Variants in AFF4 observed in about 807,000 individuals in gnomAD.
The protein encoded by AFF4 is ALF transcription elongation factor 4, also known as AF4/FMR2 family member 4.
AFF4 carries 13 observed loss-of-function variants against 124.8 expected under a neutral mutation model. That is an observed-to-expected ratio of 0.10 (90% CI 0.07 to 0.17). The LOEUF (loss-of-function observed/expected upper bound fraction) is 0.17. Ranked by LOEUF, AFF4 falls within the 10% of genes least tolerant of loss-of-function variation. The pLI, the probability that AFF4 is intolerant of heterozygous loss-of-function variation, is 1.00. For synonymous variants in AFF4, 477 were observed against 496.1 expected (o/e 0.96, Z 0.51); for missense variants, 1,092 against 1,403.8 (o/e 0.78, Z 3.55).
At chr5:132,932,688 T>C (rs76204610) in intron 3 of AFF4, among the ~76,000 whole-genome samples, 1,525 of 152,334 alleles carry the variant, frequency 0.01, 27 homozygotes, top group African/African-American at 0.035. Flanking sequence ...CCTACGAGCT[T>C]AGCATTCCAA....
chr5:132,913,452 G>A (rs75163204), intron 5 of AFF4, among the ~76,000 whole-genome samples: 1,679 of 151,796 alleles, frequency 0.011, 10 homozygotes, highest in Non-Finnish European at 0.017. Flanking sequence ...AGCAGAATAC[G>A]CTTCTTTTTG....
At chr5:132,950,928 A>C (rs1761829933) in intron 1 of AFF4, among the ~76,000 whole-genome samples, 1 of 152,178 alleles carries the variant, frequency 6.6e-6, no homozygotes, top group Admixed American at 6.5e-5. Context: ...TCTTTAAAAA[A>C]ATTTTAACAA....
chr5:132,953,949 T>G (rs1761896617), intron 1 of AFF4, among the ~76,000 whole-genome samples: 1 of 152,210 alleles, frequency 6.6e-6, no homozygotes, highest in Admixed American at 6.5e-5. Flanking sequence ...AATTTTTAAA[T>G]AAGCTTTCCG....
At chr5:132,923,392 G>C (rs77790340) in intron 5 of AFF4, among the ~76,000 whole-genome samples, 31,068 of 151,816 alleles carry the variant, frequency 0.2, 3,476 homozygotes, top group African/African-American at 0.28. Context: ...GAGAGAGAGA[G>C]AGAGAGAAAG....
intron 1 of AFF4, among the ~76,000 whole-genome samples, chr5:132,950,398 G>A (rs1236863305): frequency 1.3e-5 from 2 of 152,150 alleles, no homozygotes; most frequent in African/African-American, 2.4e-5. Flanking sequence ...TCGCTTGAAC[G>A]GGAGACAGAG....
chr5:132,908,591 AT>A (rs1229985716), intron 5 of AFF4, among the ~76,000 whole-genome samples: 2 of 151,304 alleles, frequency 1.3e-5, no homozygotes, highest in African/African-American at 2.4e-5. Context: ...CTGATTAGAA[AT>A]TTTTTTTCAG....
intron 1 of AFF4, among the ~76,000 whole-genome samples, chr5:132,960,829 C>A (rs1280411278): frequency 2.0e-5 from 3 of 152,100 alleles, no homozygotes; most frequent in African/African-American, 7.2e-5. Context: ...TGTAACAGAT[C>A]TGTAAGAAAA....
At chr5:132,926,919 T>C (rs1761186193) in intron 5 of AFF4, 1 of 495,414 alleles carries the variant, frequency 2.0e-6, no homozygotes, top group South Asian at 2.3e-5. Context: ...TAATACCTCT[T>C]GATCCAAGAT....
intron 5 of AFF4, among the ~76,000 whole-genome samples, chr5:132,922,084 C>T (rs1761061015): frequency 6.6e-6 from 1 of 152,156 alleles, no homozygotes; most frequent in Non-Finnish European, 1.5e-5. Context: ...AGACACCTAC[C>T]ATATACCTAA....
In AFF4 at chr5:132,937,088, G is replaced by C. The variant is rs913881152; in HGVS notation, c.102C>G (p.Leu34=). The change falls in exon 2 of 21, where the codon CTC becomes CTG. Residue 34 remains leucine (L), a synonymous_variant. Transcript: ENST00000265343. ...TTACAACTTTGTATGGCTCTGCAAA[G>C]AGAGGAGAGCTAGGTGGGAAGGCGT... is the stretch of plus-strand genomic sequence containing the variant. ...GEDAFPPSSP[L]FAEPYKVTSK... is the part of the protein sequence containing the mutation. 6.2e-6 allele frequency: 10 copies of C among 1,613,290 alleles called. No homozygotes were observed. The African/African-American group carries it at 1.3e-4, about 22-fold the overall frequency.
At chr5:132,961,690 A>G (rs1762085286) in intron 1 of AFF4, among the ~76,000 whole-genome samples, 1 of 152,206 alleles carries the variant, frequency 6.6e-6, no homozygotes, top group Non-Finnish European at 1.5e-5. Context: ...CCCAAACTGT[A>G]GATCATGTTC....
At chr5:132,902,632 T>TAA (rs1760579506) in intron 6 of AFF4, 145 bp from the exon 7 acceptor site, 1 of 656,504 alleles carries the variant, frequency 1.5e-6, no homozygotes, top group Admixed American at 2.6e-5. Context: ...TCAAGCCCAA[T>TAA]AATATGAGAT....
Position 132,880,657 on chromosome 5 carries a change from A to G in AFF4, c.*402T>C. 1 of 312,494 alleles carries G rather than the reference A, an allele frequency of 3.2e-6. No homozygotes were observed. The highest frequency in any genetic ancestry group is 4.9e-5 in the Admixed American group (1 of 20,306). 19.4% of individuals were successfully genotyped at this position (312,494 alleles called of 1,614,324 possible). ...AAGGTATATAAATAAAAATGTCTAC[A>G]TTAAATTTATGCTAAATATTCAACA... On this transcript the variant is annotated 3_prime_UTR_variant, in exon 21 of 21. Transcript: ENST00000265343.
At chr5:132,884,557 G>A (rs1426982488) in intron 19 of AFF4, among the ~76,000 whole-genome samples, 2 of 152,064 alleles carry the variant, frequency 1.3e-5, no homozygotes, top group Non-Finnish European at 2.9e-5. Flanking sequence ...ATTTTTATCT[G>A]CACTTTTAGC....
At position 132,879,713 on chromosome 5, in the gene AFF4, A is replaced by G. The variant is rs2150060359; in HGVS notation, c.*1346T>C. On this transcript the variant is annotated 3_prime_UTR_variant, in exon 21 of 21. Transcript: ENST00000265343. ...TTTCTTATCTTAGACTTCTATATGC[A>G]CCTTGTAGCAAAAGGTACTTTGATA... The G allele has an allele frequency of 4.7e-6, 1 of 213,218 alleles. No homozygotes were observed. The highest frequency in any genetic ancestry group is 9.5e-6 in the Non-Finnish European group (1 of 105,164). 13.2% of individuals were successfully genotyped at this position (213,218 alleles called of 1,614,324 possible). A position where few individuals can be genotyped will look rare whatever the true frequency, so the allele number is the denominator to read the frequency against.
rs1759920874 is a variant in AFF4, at chr5:132,879,543, A to G, written c.*1516T>C. Reference sequence around the variant, plus strand: ...TAAAATGAAAGAATTGAACATTATTATTGTAGAAGACCAATCATGTATGGA... The same window carrying G: ...TAAAATGAAAGAATTGAACATTATTGTTGTAGAAGACCAATCATGTATGGA... On this transcript the variant is annotated 3_prime_UTR_variant, in exon 21 of 21. Coordinates refer to ENST00000265343, the MANE Select transcript of AFF4 (RefSeq NM_014423.4). 4.9e-6 allele frequency: 1 copy of G among 203,994 alleles called. No individual in the cohort carries two copies. Among genetic ancestry groups the G allele is most frequent in the African/African-American group, 2.3e-5 (1 of 43,850 alleles). 12.6% of individuals were successfully genotyped at this position (203,994 alleles called of 1,614,324 possible).
At chr5:132,931,051 G>C (rs1561500382) in intron 4 of AFF4, among the ~76,000 whole-genome samples, 1 of 149,210 alleles carries the variant, frequency 6.7e-6, no homozygotes, top group Non-Finnish European at 1.5e-5. Flanking sequence ...AGGTTGCAGT[G>C]AGCTGAGATC....
At chr5:132,894,410 G>T (rs1453909300) in intron 11 of AFF4, among the ~76,000 whole-genome samples, 2 of 152,116 alleles carry the variant, frequency 1.3e-5, no homozygotes, top group African/African-American at 4.8e-5. Flanking sequence ...ACAAGTGGTG[G>T]GCCCATCCAT....
intron 19 of AFF4, among the ~76,000 whole-genome samples, chr5:132,884,672 T>C (rs569564975): frequency 1.7e-4 from 26 of 152,188 alleles, no homozygotes; most frequent in Admixed American, 6.5e-4. Context: ...GTGTTTTTTA[T>C]CCTTTGGGAG....
Sources: gnomAD v4.1 joint callset for allele counts (sites outside exome capture counted in the v4.1 genomes callset) on GRCh38, gnomAD v4.1.1 for gene constraint, MANE v1.5 for transcripts, NCBI Gene and HGNC (gene_info 2026-07-23, HGNC 2026-07-21) for gene names.